The following KSR2 variants were observed in gnomAD, a reference collection of about 807,000 sequenced individuals.
KSR2 encodes the protein kinase suppressor of ras 2.
A neutral mutation model predicts 107.8 loss-of-function variants in KSR2; 25 were observed. The observed-to-expected ratio is 0.23, with a 90% CI of 0.17 to 0.32. The LOEUF (loss-of-function observed/expected upper bound fraction) is 0.32. Among genes scored for constraint, KSR2 ranks in the 10% least tolerant of loss-of-function variants. The pLI, the probability that KSR2 is intolerant of heterozygous loss-of-function variation, is 1.00. For synonymous variants in KSR2, 480 were observed against 507.0 expected (o/e 0.95, Z 0.71); for missense variants, 887 against 1,268.9 (o/e 0.70, Z 4.57).
At chr12:117,565,345 C>T (rs1483931699) in intron 7 of KSR2, among the ~76,000 whole-genome samples, 1 of 152,204 alleles carries the variant, frequency 6.6e-6, no homozygotes, top group Admixed American at 6.5e-5. Flanking sequence ...CCAGTCTTTC[C>T]TTCCAGAGTG....
chr12:117,808,068 G>T (rs1011784026), intron 3 of KSR2, among the ~76,000 whole-genome samples: 15 of 152,188 alleles, frequency 9.9e-5, no homozygotes, highest in Admixed American at 2.6e-4. Context: ...TTTATGTCTT[G>T]TTTTCTCAGC....
At chr12:117,866,735 A>C (rs1893482508) in intron 1 of KSR2, among the ~76,000 whole-genome samples, 1 of 152,136 alleles carries the variant, frequency 6.6e-6, no homozygotes, top group Non-Finnish European at 1.5e-5. Flanking sequence ...AGGCTGAGGC[A>C]CGAGAATCGC....
At chr12:117,476,889 G>A (rs978730751) in intron 16 of KSR2, among the ~76,000 whole-genome samples, 25 of 152,146 alleles carry the variant, frequency 1.6e-4, no homozygotes, top group African/African-American at 5.8e-4. Flanking sequence ...CGGCAGTTAC[G>A]TTCTATAAAG....
At position 117,516,803 on chromosome 12, in the gene KSR2, T is replaced by A. The variant is rs1000513112; in HGVS notation, c.2219+8049A>T. On this transcript the variant is annotated intron_variant, in intron 14 of 19. Transcript: ENST00000339824. ...GCAAGTCATGAAACAGGGTTGCTGG[T>A]ATGAGTCTATTTCTCATGGGAGAAG... Among the ~76,000 whole-genome samples, 3 of 152,238 alleles carry A rather than the reference T, an allele frequency of 2.0e-5. No homozygotes were observed. In the East Asian group the frequency reaches 5.8e-4, roughly 29 times the overall value.
At position 117,594,223 on chromosome 12, in the gene KSR2, C is replaced by A. The variant is rs142196628; in HGVS notation, c.1172-11864G>T. Among the ~76,000 whole-genome samples, 8 of 152,276 alleles carry A rather than the reference C, an allele frequency of 5.3e-5. No individual in the cohort carries two copies. In the East Asian group the frequency reaches 1.5e-3, roughly 29 times the overall value. On this transcript the variant is annotated intron_variant, in intron 5 of 19. Coordinates refer to ENST00000339824, the MANE Select transcript of KSR2 (RefSeq NM_173598.6). The stretch of plus-strand genomic sequence containing the variant: ...TGCTGAGAAGTTCCCCCTACAGAAC[C>A]ATTCTGTGGAATTTACTGCCTGGAT...
intron 1 of KSR2, among the ~76,000 whole-genome samples, chr12:117,964,093 C>G (rs1896730604): frequency 6.6e-6 from 1 of 152,180 alleles, no homozygotes; most frequent in Admixed American, 6.5e-5. Context: ...GACTGGCCAT[C>G]ATGGCAAAAG....
At chr12:117,625,914 T>A (rs1436995078) in intron 5 of KSR2, among the ~76,000 whole-genome samples, 1 of 152,208 alleles carries the variant, frequency 6.6e-6, no homozygotes, top group African/African-American at 2.4e-5. Context: ...TTCAATTTCT[T>A]CCTGGTTTAG....
intron 3 of KSR2, among the ~76,000 whole-genome samples, chr12:117,813,626 G>T (rs1018631214): frequency 6.6e-6 from 1 of 152,090 alleles, no homozygotes; most frequent in Non-Finnish European, 1.5e-5. Context: ...CTATCAGAAA[G>T]ACAACAAATA....
intron 1 of KSR2, among the ~76,000 whole-genome samples, chr12:117,909,584 T>C (rs887010446): frequency 2.0e-5 from 3 of 152,138 alleles, no homozygotes; most frequent in African/African-American, 7.2e-5. Context: ...TCATATCTTT[T>C]TCCAATTCTT....
chr12:117,668,765 A>G (rs1884776711), intron 4 of KSR2, among the ~76,000 whole-genome samples: 1 of 152,206 alleles, frequency 6.6e-6, no homozygotes, highest in Non-Finnish European at 1.5e-5. Context: ...TCTGTCTGAT[A>G]GTTCCTTCAG....
chr12:117,932,485 G>A (rs1387349633), intron 1 of KSR2, among the ~76,000 whole-genome samples: 2 of 152,182 alleles, frequency 1.3e-5, no homozygotes, highest in African/African-American at 4.8e-5. Flanking sequence ...GGAGGCTAAG[G>A]TGGGAAGATC....
chr12:117,690,801 A>G (rs531541387), intron 4 of KSR2, among the ~76,000 whole-genome samples: 1 of 152,332 alleles, frequency 6.6e-6, no homozygotes, highest in African/African-American at 2.4e-5. Flanking sequence ...TCATCCTCAC[A>G]TTATCACATC....
intron 5 of KSR2, among the ~76,000 whole-genome samples, chr12:117,603,041 C>G (rs180931624): frequency 6.6e-6 from 1 of 152,170 alleles, no homozygotes; most frequent in Admixed American, 6.5e-5. Flanking sequence ...ATTATGTGGC[C>G]TCTTTTCCAT....
At chr12:117,941,567 T>A (rs1896007854) in intron 1 of KSR2, among the ~76,000 whole-genome samples, 1 of 151,762 alleles carries the variant, frequency 6.6e-6, no homozygotes, top group Admixed American at 6.6e-5. Flanking sequence ...TTGAAACATT[T>A]GCCTCTACAG....
chr12:117,517,680 C>CA (rs2137216069), intron 14 of KSR2: 7 of 372,856 alleles, frequency 1.9e-5, no homozygotes, highest in South Asian at 1.5e-4. Flanking sequence ...CATTTCAGCA[C>CA]AATTAAAGGC....
intron 5 of KSR2, among the ~76,000 whole-genome samples, chr12:117,601,035 T>C (rs1880912484): frequency 6.6e-6 from 1 of 152,184 alleles, no homozygotes; most frequent in Non-Finnish European, 1.5e-5. Flanking sequence ...GTAGCAACCG[T>C]GCCTGGTGGC....
chr12:117,645,866 TGC>T (rs1491311300), intron 5 of KSR2, among the ~76,000 whole-genome samples: 1 of 97,242 alleles, frequency 1.0e-5, no homozygotes, highest in African/African-American at 5.1e-5. Flanking sequence ...CATGTGTATG[TGC>T]GTGTGTGTGT....
At chr12:117,895,233 T>G (rs974667019) in intron 1 of KSR2, among the ~76,000 whole-genome samples, 4 of 152,068 alleles carry the variant, frequency 2.6e-5, no homozygotes, top group Admixed American at 1.3e-4. Context: ...AGATCCTGTC[T>G]CTAAGTATCT....
At chr12:117,688,082 T>TA (rs35948939) in intron 4 of KSR2, among the ~76,000 whole-genome samples, 69,289 of 151,936 alleles carry the variant, frequency 0.46, 16,427 homozygotes, top group Non-Finnish European at 0.52. Context: ...AATTCCCTTT[T>TA]AAAAAAAAGT....
Sources: allele counts gnomAD v4.1 joint callset (sites outside exome capture counted in the v4.1 genomes callset), GRCh38; gene constraint gnomAD v4.1.1; transcripts MANE v1.5; gene names NCBI Gene and HGNC (gene_info 2026-07-23, HGNC 2026-07-21).